The following SELENOK variants were observed in gnomAD, a reference collection of about 807,000 sequenced individuals.
SELENOK encodes the protein selenoprotein K.
Under a neutral mutation model 17.3 loss-of-function variants are expected in SELENOK, and 11 were observed. That is an observed-to-expected ratio of 0.63 (90% CI 0.40 to 1.05). The LOEUF (loss-of-function observed/expected upper bound fraction) is 1.05, where lower values mean the gene tolerates loss of function less well. SELENOK is among the 50% of genes least tolerant of loss of function. The pLI is 0.00. For missense variants in SELENOK, 125 were observed against 113.9 expected (o/e 1.10, Z -0.44); for synonymous variants, 45 against 35.4 (o/e 1.27, Z -0.97).
In SELENOK at chr3:53,891,507, G is replaced by C. The variant is rs377682369; in HGVS notation, c.19+263C>G. Among the ~76,000 whole-genome samples the C allele has an allele frequency of 2.4e-3, 360 of 152,206 alleles. 4 individuals are homozygous for C. The highest frequency in any genetic ancestry group is 8.3e-3 in the African/African-American group (345 of 41,528). Reference sequence around the variant, plus strand: ...ACCACCCTCGCAAATCCACAATCAAGCGCTTGCTGCACGAAGGCGGGGTTG... The same window carrying C: ...ACCACCCTCGCAAATCCACAATCAACCGCTTGCTGCACGAAGGCGGGGTTG... On this transcript the variant is annotated intron_variant, in intron 1 of 4. Coordinates refer to ENST00000495461, the MANE Select transcript of SELENOK (RefSeq NM_021237.5).
rs1700112951 is a variant in SELENOK at position 53,884,871 on chromosome 3, T to G, written c.*687A>C. On this transcript the variant is annotated 3_prime_UTR_variant, in exon 5 of 5. Coordinates refer to ENST00000495461, the MANE Select transcript of SELENOK (RefSeq NM_021237.5). ...CTCAAACTCGTGAACTTAGGCGATC[T>G]GCCCGCCTCAGCCTCCCACAGTGCT... is the stretch of plus-strand genomic sequence containing the variant. 1 of 152,244 alleles carries G rather than the reference T, an allele frequency of 6.6e-6. No homozygotes were observed. Among genetic ancestry groups the G allele is most frequent in the African/African-American group, 2.4e-5 (1 of 41,462 alleles). The allele number at this position is 152,244 out of a possible 1,614,324, so 9.4% of individuals were successfully genotyped here. A position where few individuals can be genotyped will look rare whatever the true frequency, so the allele number is the denominator to read the frequency against.
At chr3:53,891,617 G>A (rs1051891947) in intron 1 of SELENOK, among the ~76,000 whole-genome samples, 153 bp downstream of exon 1, 3 of 152,210 alleles carry the variant, frequency 2.0e-5, no homozygotes, top group African/African-American at 7.2e-5. Context: ...CGCGCCGCAA[G>A]CCGAGGCGAC....
chr3:53,886,742 A>G, intron 3 of SELENOK, 109 bp downstream of exon 3: 1 of 623,024 alleles, frequency 1.6e-6, no homozygotes, highest in Non-Finnish European at 2.6e-6. Context: ...ATTTTGTAAA[A>G]TAGGATTTAA....
intron 3 of SELENOK, among the ~76,000 whole-genome samples, chr3:53,886,384 A>T (rs1700126496): frequency 6.6e-6 from 1 of 152,106 alleles, no homozygotes; most frequent in African/African-American, 2.4e-5. Flanking sequence ...CTACAGGCGC[A>T]TACCACCACA....
rs1700142188 is a variant in SELENOK, at chr3:53,888,433, T to A, written c.70A>T (p.Thr24Ser). ...TCAGCTATTCCCCAGAAGAAATCTGTTATCAAAGATAATCTCCATGGAGAC... is the reference window on the plus strand; with the variant it reads ...TCAGCTATTCCCCAGAAGAAATCTGATATCAAAGATAATCTCCATGGAGAC... ...SQSPWRLSLI[T>S]DFFWGIAEFV... The change falls in exon 2 of 5, where the codon ACA (threonine) becomes TCA (serine). Residue 24 changes from threonine (T) to serine (S), a missense_variant. Thr to Ser is a moderately conservative substitution (Grantham distance 58). Coordinates refer to ENST00000495461, the MANE Select transcript of SELENOK (RefSeq NM_021237.5). 1 of 1,612,652 alleles carries A rather than the reference T, an allele frequency of 6.2e-7. No homozygotes were observed. Among genetic ancestry groups the A allele is most frequent in the Non-Finnish European group, 8.5e-7 (1 of 1,179,618 alleles).
Position 53,885,868 on chromosome 3 carries a change from AGAT to A in SELENOK, c.236_238del (p.His79del). The stretch of plus-strand genomic sequence containing the variant: ...CATTGGAGGGGGACTAGGGCCACGC[AGAT>A]GATTGATTCTACCCATTCTTCGGGG... On this transcript the variant is annotated inframe_deletion, in exon 4 of 5. Transcript: ENST00000495461. The A allele has an allele frequency of 6.3e-7, 1 of 1,577,920 alleles. No homozygotes were observed. Among genetic ancestry groups the A allele is most frequent in the South Asian group, 1.2e-5 (1 of 83,864 alleles).
Position 53,885,871 on chromosome 3 carries a change from T to G in SELENOK, c.236A>C (p.His79Pro), listed in dbSNP as rs980789344. ...TGGAGGGGGACTAGGGCCACGCAGA[T>G]GATTGATTCTACCCATTCTTCGGGG... ...NPPRRMGRIN[H>P]LRGPSPPPMA... Residue 79 changes from histidine to proline, a missense_variant, in exon 4 of 5, where the codon CAT (histidine) becomes CCT (proline). Transcript: ENST00000495461. 7 of 1,575,610 alleles carry G rather than the reference T, an allele frequency of 4.4e-6. No homozygotes were observed. The highest frequency in any genetic ancestry group is 6.0e-6 in the Non-Finnish European group (7 of 1,164,034).
chr3:53,885,720 A>T, intron 4 of SELENOK, 106 bp downstream of exon 4: 1 of 1,188,570 alleles, frequency 8.4e-7, no homozygotes, highest in Middle Eastern at 1.9e-4. Context: ...ATTTCCAAAT[A>T]ATGTCTGAGT....
Position 53,885,311 on chromosome 3 carries a change from A to G in SELENOK, c.*247T>C, listed in dbSNP as rs1208766353. The G allele has an allele frequency of 5.4e-6, 2 of 373,248 alleles. No homozygotes were observed. Among genetic ancestry groups the G allele is most frequent in the African/African-American group, 4.2e-5 (2 of 47,558 alleles). 23.1% of individuals were successfully genotyped at this position (373,248 alleles called of 1,614,324 possible). ...ATTTACTTATTAAAACTATATTAATACTTTAATAAACTATACAAAAAGGTA... is the reference window on the plus strand; with the variant it reads ...ATTTACTTATTAAAACTATATTAATGCTTTAATAAACTATACAAAAAGGTA... On this transcript the variant is annotated 3_prime_UTR_variant, in exon 5 of 5. Coordinates refer to ENST00000495461, the MANE Select transcript of SELENOK (RefSeq NM_021237.5).
Position 53,891,828 on chromosome 3 carries a change from G to T in SELENOK, c.-40C>A. On this transcript the variant is annotated 5_prime_UTR_variant, in exon 1 of 5. Coordinates refer to ENST00000495461, the MANE Select transcript of SELENOK (RefSeq NM_021237.5). The stretch of plus-strand genomic sequence containing the variant: ...CCGCTTCGGAGCCACCGGGCGCCTG[G>T]CCCCTGTCGGTTTCTGTATCTCCCT... 1.9e-6 allele frequency: 3 copies of T among 1,612,836 alleles called. No individual in the cohort carries two copies. The highest frequency in any genetic ancestry group is 2.5e-6 in the Non-Finnish European group (3 of 1,178,904).
In SELENOK at chr3:53,888,407, C is replaced by G. The variant is rs942692368; in HGVS notation, c.96G>C (p.Glu32Asp). The part of the protein sequence containing the change: ...LITDFFWGIA[E>D]FVVLFFKTLL... The stretch of plus-strand genomic sequence containing the variant: ...TCTATACTTACAACAAAACCACAAA[C>G]TCAGCTATTCCCCAGAAGAAATCTG... The change falls in exon 2 of 5, where the codon GAG (glutamate) becomes GAC (aspartate). Residue 32 changes from glutamate (E) to aspartate (D), a missense_variant. Glu to Asp is a conservative substitution (Grantham distance 45, BLOSUM62 2). Coordinates refer to ENST00000495461, the MANE Select transcript of SELENOK (RefSeq NM_021237.5). 1.2e-6 allele frequency: 2 copies of G among 1,611,680 alleles called. No individual in the cohort carries two copies. The highest frequency in any genetic ancestry group is 2.7e-5 in the African/African-American group (2 of 74,892).
At chr3:53,888,940 C>T (rs940190849) in intron 1 of SELENOK, among the ~76,000 whole-genome samples, 1 of 151,954 alleles carries the variant, frequency 6.6e-6, no homozygotes, top group African/African-American at 2.4e-5. Context: ...ACCTGTAGTC[C>T]CAGCTACTCA....
chr3:53,889,780 G>C (rs1424304480), intron 1 of SELENOK, among the ~76,000 whole-genome samples: 3 of 152,154 alleles, frequency 2.0e-5, no homozygotes, highest in East Asian at 1.9e-4. Flanking sequence ...CTTATAAAGA[G>C]TGTGTATGCT....
intron 4 of SELENOK, 132 bp from the exon 5 acceptor site, chr3:53,885,693 G>C (rs34310576): frequency 5.7e-6 from 7 of 1,233,584 alleles, no homozygotes; most frequent in Non-Finnish European, 8.2e-6. Context: ...TTTTTCAAGG[G>C]TTAAGATAAC....
chr3:53,886,850 C>A lies in SELENOK; in HGVS notation c.194+1G>T, dbSNP rs1476176126. 7 of 1,541,582 alleles carry A rather than the reference C, an allele frequency of 4.5e-6. No individual in the cohort carries two copies. Among genetic ancestry groups the A allele is most frequent in the Non-Finnish European group, 6.2e-6 (7 of 1,137,846 alleles). On this transcript the variant is annotated splice_donor_variant, in intron 3 of 4. Transcript: ENST00000495461. LOFTEE classifies it high-confidence loss of function. ...ACTATTATCAATTTAAAAAGCTGTACCCTCTTCCATCATCATATCTGGAAT... is the reference window on the plus strand; with the variant it reads ...ACTATTATCAATTTAAAAAGCTGTAACCTCTTCCATCATCATATCTGGAAT...
rs1700127123 is a variant in SELENOK at position 53,886,441 on chromosome 3, GGTCA to G, written c.194+406_194+409del. ...AGTAGAGACGGGGTTTCATCATGTT[GGTCA>G]GGATGGTCTCGATCTCTTGACCTCG... is the stretch of plus-strand genomic sequence containing the variant. On this transcript the variant is annotated intron_variant, in intron 3 of 4. Coordinates refer to ENST00000495461, the MANE Select transcript of SELENOK (RefSeq NM_021237.5). Among the ~76,000 whole-genome samples the G allele has an allele frequency of 2.6e-5, 4 of 152,208 alleles. No homozygotes were observed. The South Asian group carries it at 8.3e-4, about 32-fold the overall frequency.
At chr3:53,888,339 A>G in intron 2 of SELENOK, 54 bp downstream of exon 2, 2 of 1,099,172 alleles carry the variant, frequency 1.8e-6, no homozygotes, top group Non-Finnish European at 2.8e-6. Context: ...AATGCACATG[A>G]TGTATACCTG....
intron 2 of SELENOK, 55 bp downstream of exon 2, chr3:53,888,338 G>T: frequency 9.3e-7 from 1 of 1,071,966 alleles, no homozygotes; most frequent in Non-Finnish European, 1.4e-6. Context: ...TAATGCACAT[G>T]ATGTATACCT....
intron 3 of SELENOK, among the ~76,000 whole-genome samples, chr3:53,886,399 G>C (rs1377622114): frequency 1.3e-5 from 2 of 152,112 alleles, no homozygotes; most frequent in Non-Finnish European, 2.9e-5. Context: ...ACCACACCCA[G>C]CTAATTTTTG....
Sources: gnomAD v4.1 joint callset for allele counts (sites outside exome capture counted in the v4.1 genomes callset) on GRCh38, gnomAD v4.1.1 for gene constraint, MANE v1.5 for transcripts, NCBI Gene and HGNC (gene_info 2026-07-23, HGNC 2026-07-21) for gene names.